The following LOC128462377 variants were observed in gnomAD, a reference collection of about 807,000 sequenced individuals.
chr16:89,343,529 G>C, the LOC128462377 span, among the ~76,000 whole-genome samples: 253 of 152,296 alleles, frequency 1.7e-3, no homozygotes, highest in African/African-American at 5.9e-3. Context: ...CAGAGCTCGA[G>C]GTGGGCTGGA....
At chr16:89,346,250 G>GAAA in the LOC128462377 span, among the ~76,000 whole-genome samples, 33 of 96,848 alleles carry the variant, frequency 3.4e-4, no homozygotes, top group Middle Eastern at 5.9e-3. Context: ...CCCGTCTCAG[G>GAAA]AAAAAAAAAA....
chr16:89,352,661 A>C, the LOC128462377 span, among the ~76,000 whole-genome samples: 1 of 152,106 alleles, frequency 6.6e-6, no homozygotes, highest in African/African-American at 2.4e-5. Context: ...ATCAGCACCA[A>C]AGTGTTCTGT....
the LOC128462377 span, among the ~76,000 whole-genome samples, chr16:89,331,592 C>G: frequency 6.6e-6 from 1 of 152,076 alleles, no homozygotes; most frequent in Non-Finnish European, 1.5e-5. Flanking sequence ...TGAGAAAGTT[C>G]AAGGCACCCA....
chr16:89,374,352 T>A, the LOC128462377 span, among the ~76,000 whole-genome samples: 294 of 144,610 alleles, frequency 2.0e-3, 2 homozygotes, highest in Admixed American at 8.0e-3. Flanking sequence ...AAAATAATAA[T>A]AATAATAATC....
chr16:89,356,256 G>A, the LOC128462377 span, among the ~76,000 whole-genome samples: 10 of 151,698 alleles, frequency 6.6e-5, no homozygotes, highest in East Asian at 2.0e-3. Flanking sequence ...AGACTTTCAG[G>A]ACGTCCAAAG....
the LOC128462377 span, among the ~76,000 whole-genome samples, chr16:89,335,183 G>T: frequency 6.6e-6 from 1 of 152,202 alleles, no homozygotes; most frequent in Middle Eastern, 3.2e-3. Flanking sequence ...CAGGAAGTGA[G>T]CTCAGTGCGT....
the LOC128462377 span, among the ~76,000 whole-genome samples, chr16:89,344,817 T>C: frequency 2.0e-5 from 3 of 152,164 alleles, no homozygotes; most frequent in Non-Finnish European, 2.9e-5. Context: ...TCCCACCCAA[T>C]AGCAGACGAG....
At chr16:89,411,893 C>A in the LOC128462377 span, among the ~76,000 whole-genome samples, 4 of 151,606 alleles carry the variant, frequency 2.6e-5, no homozygotes, top group African/African-American at 9.7e-5. Flanking sequence ...TGGCCATGTT[C>A]CATCCCTCCC....
At chr16:89,364,834 C>A in the LOC128462377 span, among the ~76,000 whole-genome samples, 1 of 152,214 alleles carries the variant, frequency 6.6e-6, no homozygotes, top group Non-Finnish European at 1.5e-5. Context: ...CTCAGCACCA[C>A]GGCCAACCTG....
At chr16:89,406,086 G>T in the LOC128462377 span, among the ~76,000 whole-genome samples, 1 of 149,046 alleles carries the variant, frequency 6.7e-6, no homozygotes, top group Admixed American at 6.7e-5. Context: ...CTCCAGCCTG[G>T]GTGACAAAGG....
chr16:89,357,474 A>G, the LOC128462377 span, among the ~76,000 whole-genome samples: 1 of 152,180 alleles, frequency 6.6e-6, no homozygotes, highest in Admixed American at 6.5e-5. Flanking sequence ...TTCCTCAACA[A>G]ATTACAAAAG....
the LOC128462377 span, chr16:89,321,106 C>T: frequency 1.3e-5 from 2 of 152,666 alleles, no homozygotes; most frequent in African/African-American, 4.8e-5. Flanking sequence ...GCGCCCTCCC[C>T]CTCCGCACAC....
the LOC128462377 span, among the ~76,000 whole-genome samples, chr16:89,331,348 C>G: frequency 5.3e-5 from 8 of 152,174 alleles, no homozygotes; most frequent in Admixed American, 3.3e-4. Context: ...CAGTTCACAT[C>G]ATATATCTCA....
chr16:89,324,091 C>T, the LOC128462377 span: 1 of 375,468 alleles, frequency 2.7e-6, no homozygotes, highest in Non-Finnish European at 4.4e-6. Flanking sequence ...ACCTCATGAT[C>T]TGCCGGCCTC....
the LOC128462377 span, among the ~76,000 whole-genome samples, chr16:89,321,819 C>T: frequency 1.1e-4 from 16 of 152,252 alleles, no homozygotes; most frequent in Admixed American, 7.2e-4. Context: ...TTCACTTACA[C>T]GCAGATTTTC....
At chr16:89,417,201 G>A in the LOC128462377 span, among the ~76,000 whole-genome samples, 1 of 152,222 alleles carries the variant, frequency 6.6e-6, no homozygotes, top group Non-Finnish European at 1.5e-5. Flanking sequence ...AGGCGACTGA[G>A]ATAAGGAACA....
the LOC128462377 span, among the ~76,000 whole-genome samples, chr16:89,330,666 GGGGGGGGGGC>G: frequency 2.0e-4 from 12 of 59,304 alleles, no homozygotes; most frequent in Non-Finnish European, 2.6e-4. Context: ...CTGGGGGGGG[GGGGGGGGGGC>G]GGGGGCGGAG....
At chr16:89,350,532 A>G in the LOC128462377 span, among the ~76,000 whole-genome samples, 1 of 152,348 alleles carries the variant, frequency 6.6e-6, no homozygotes, top group African/African-American at 2.4e-5. Flanking sequence ...GGAAGATGAA[A>G]CACACCAGAC....
chr16:89,388,955 G>C, the LOC128462377 span, among the ~76,000 whole-genome samples: 1,811 of 152,284 alleles, frequency 0.012, 19 homozygotes, highest in East Asian at 0.032. Flanking sequence ...ATGACTTACA[G>C]GAATATACAA....
Sources: gnomAD v4.1 joint callset for allele counts (sites outside exome capture counted in the v4.1 genomes callset) on GRCh38, gnomAD v4.1.1 for gene constraint, MANE v1.5 for transcripts.